The following DDR1 variants were observed in gnomAD, a reference collection of about 807,000 sequenced individuals.
DDR1 encodes the protein discoidin domain receptor tyrosine kinase 1.
In DDR1, 64 loss-of-function variants were observed where a neutral mutation model predicts 97.4. That is an observed-to-expected ratio of 0.66 (90% CI 0.54 to 0.81). DDR1 has a LOEUF of 0.81. Ranked by LOEUF, DDR1 falls within the 30% of genes least tolerant of loss-of-function variation. The pLI is 0.00. For synonymous variants in DDR1, 458 were observed against 503.7 expected (o/e 0.91, Z 1.21); for missense variants, 990 against 1,259.6 (o/e 0.79, Z 3.24).
rs372584534 is a variant in DDR1 at position 30,891,527 on chromosome 6, C to CTCTG, written c.665+49_665+50insCTGT. 5.6e-3 allele frequency: 4,469 copies of CTCTG among 797,868 alleles called. 200 individuals are homozygous for CTCTG. The highest frequency in any genetic ancestry group is 0.044 in the South Asian group (2,850 of 64,056). The allele number at this position is 797,868 out of a possible 1,614,324, so 49.4% of individuals were successfully genotyped here. A position where few individuals can be genotyped will look rare whatever the true frequency, so the allele number is the denominator to read the frequency against. On this transcript the variant is annotated intron_variant, in intron 6 of 17. Transcript: ENST00000376568. This position sits in a 1 kb window ranked among gnomAD's most constrained non-coding sequence, Gnocchi z 5.3. ...ATGGAGTTTGGGGTGGGAGGGAGGA[C>CTCTG]TGTGTGTGTGTGTGTGTGTGTGTGT... is the stretch of plus-strand genomic sequence containing the variant.
In DDR1 at chr6:30,886,084, C is replaced by T. The variant is rs755567308; in HGVS notation, c.-43+1374C>T. Among the ~76,000 whole-genome samples the T allele has an allele frequency of 1.3e-5, 2 of 152,102 alleles. No homozygotes were observed. Among genetic ancestry groups the T allele is most frequent in the Non-Finnish European group, 2.9e-5 (2 of 68,008 alleles). ...GGTGTTGGAGAACAGACAGCCCAGA[C>T]GTCTCTGTGCTTCTCCGTGTTCCTC... On this transcript the variant is annotated intron_variant, in intron 1 of 17. Transcript: ENST00000376568. The surrounding 1 kb of genome is among the most constrained non-coding windows in gnomAD (Gnocchi z 4.6).
At position 30,891,564 on chromosome 6, in the gene DDR1, T is replaced by TGTGA; in HGVS notation, c.665+88_665+89insAGTG. Reference sequence around the variant, plus strand: ...GTGTGTGTGTGTGTGTGTGAGAGTGTGTGTGTGTAGGGGGGCTGGTAAGTA... The same window carrying TGTGA: ...GTGTGTGTGTGTGTGTGTGAGAGTGTGTGAGTGTGTGTAGGGGGGCTGGTAAGTA... On this transcript the variant is annotated intron_variant, in intron 6 of 17. Transcript: ENST00000376568. The surrounding 1 kb of genome is among the most constrained non-coding windows in gnomAD (Gnocchi z 5.3). 1 of 928,496 alleles carries TGTGA rather than the reference T, an allele frequency of 1.1e-6. No homozygotes were observed. The highest frequency in any genetic ancestry group is 1.7e-6 in the Non-Finnish European group (1 of 604,728). The allele number at this position is 928,496 out of a possible 1,614,324, so 57.5% of individuals were successfully genotyped here. A position where few individuals can be genotyped will look rare whatever the true frequency, so the allele number is the denominator to read the frequency against.
Position 30,897,044 on chromosome 6 carries a change from G to C in DDR1, c.1900G>C (p.Asp634His). 6.2e-7 allele frequency: 1 copy of C among 1,613,726 alleles called. No individual in the cohort carries two copies. The highest frequency in any genetic ancestry group is 8.5e-7 in the Non-Finnish European group (1 of 1,179,784). ...VHLCEVDSPQ[D>H]LVSLDFPLNV... ...CCTGTGTGAGGTCGACAGCCCTCAA[G>C]ATCTGGTTAGTCTTGATTTCCCCCT... The change falls in exon 14 of 18, where the codon GAT (aspartate) becomes CAT (histidine). Residue 634 changes from aspartate (D) to histidine (H), a missense_variant. Physicochemically the swap from Asp to His is moderately conservative, Grantham distance 81 (BLOSUM62 -1). Coordinates refer to ENST00000376568, the MANE Select transcript of DDR1 (RefSeq NM_001297654.2). The surrounding 1 kb of genome is among the most constrained non-coding windows in gnomAD (Gnocchi z 5.2).
At chr6:30,893,184 G>C (rs779781682) in intron 9 of DDR1, 21 bp downstream of exon 9, 2 of 1,602,666 alleles carry the variant, frequency 1.2e-6, no homozygotes, top group Admixed American at 1.7e-5. Context: ...TTGGGTGGGC[G>C]TGTGGACCCT....
intron 10 of DDR1, among the ~76,000 whole-genome samples, chr6:30,893,819 G>C (rs2524248): frequency 6.6e-6 from 1 of 152,214 alleles, no homozygotes; most frequent in East Asian, 1.9e-4. Context: ...AGGCCTGTTG[G>C]TGCAGTGTAC....
At position 30,890,070 on chromosome 6, in the gene DDR1, G is replaced by A. The variant is rs1787476357; in HGVS notation, c.417+640G>A. On this transcript the variant is annotated intron_variant, in intron 4 of 17. Transcript: ENST00000376568. The surrounding 1 kb of genome is among the most constrained non-coding windows in gnomAD (Gnocchi z 5.0). Reference sequence around the variant, plus strand: ...CAGTAGATGCCAAACGCGTCTCCCTGCTTCTGCCCTTTTCTGCCTGGAGTC... The same window carrying A: ...CAGTAGATGCCAAACGCGTCTCCCTACTTCTGCCCTTTTCTGCCTGGAGTC... Among the ~76,000 whole-genome samples the A allele has an allele frequency of 6.6e-6, 1 of 152,158 alleles. No individual in the cohort carries two copies. Among genetic ancestry groups the A allele is most frequent in the Non-Finnish European group, 1.5e-5 (1 of 68,012 alleles).
At chr6:30,885,609 C>A in intron 1 of DDR1, 1 of 1,374,322 alleles carries the variant, frequency 7.3e-7, no homozygotes, top group Non-Finnish European at 9.5e-7. Context: ...TGGTGTCTGT[C>A]ATTTCATGTT....
At position 30,889,160 on chromosome 6, in the gene DDR1, G is replaced by T; in HGVS notation, c.189-42G>T. 1 of 1,606,344 alleles carries T rather than the reference G, an allele frequency of 6.2e-7. No homozygotes were observed. Among genetic ancestry groups the T allele is most frequent in the Non-Finnish European group, 8.5e-7 (1 of 1,174,262 alleles). On this transcript the variant is annotated intron_variant, in intron 3 of 17. Transcript: ENST00000376568. The surrounding 1 kb of genome is among the most constrained non-coding windows in gnomAD (Gnocchi z 4.9). ...GGTTTAAATACTGGAGATGGAGGCA[G>T]ACCTGGGGCCAGATGTTCTCTGTGC...
At position 30,891,250 on chromosome 6, in the gene DDR1, C is replaced by A; in HGVS notation, c.565+130C>A. 6.9e-7 allele frequency: 1 copy of A among 1,455,102 alleles called. No individual in the cohort carries two copies. The highest frequency in any genetic ancestry group is 9.4e-7 in the Non-Finnish European group (1 of 1,061,670). The allele number at this position is 1,455,102 out of a possible 1,614,324, so 90.1% of individuals were successfully genotyped here. ...TCACTCTGAGGAGGGGGCTAGCCAGCATTGTCTCCTCCATGCCAATGAGCC... is the reference window on the plus strand; with the variant it reads ...TCACTCTGAGGAGGGGGCTAGCCAGAATTGTCTCCTCCATGCCAATGAGCC... On this transcript the variant is annotated intron_variant, in intron 5 of 17. Transcript: ENST00000376568. This position sits in a 1 kb window ranked among gnomAD's most constrained non-coding sequence, Gnocchi z 5.3.
At chr6:30,883,535 T>C, upstream of DDR1, 1 of 153,838 alleles carries the variant, frequency 6.5e-6, no homozygotes, top group Non-Finnish European at 1.4e-5. This position sits in a 1 kb window ranked among gnomAD's most constrained non-coding sequence, Gnocchi z 4.9. Flanking sequence ...TCAGTGTGCC[T>C]CCATCCTTCT....
At position 30,884,985 on chromosome 6, in the gene DDR1, G is replaced by T. The variant is rs1012085513; in HGVS notation, c.-43+275G>T. 54 of 523,288 alleles carry T rather than the reference G, an allele frequency of 1.0e-4. 1 individual carries two copies. The highest frequency in any genetic ancestry group is 1.6e-4 in the Non-Finnish European group (45 of 289,238). The allele number at this position is 523,288 out of a possible 1,614,324, so 32.4% of individuals were successfully genotyped here. On this transcript the variant is annotated intron_variant, in intron 1 of 17. Transcript: ENST00000376568. The surrounding 1 kb of genome is among the most constrained non-coding windows in gnomAD (Gnocchi z 6.1). ...AGGCAAGTCCCCTCTCACTCAGTGC[G>T]GAGGAACTGAGCCCCGGGAGGAGGT...
rs770648603 is a variant in DDR1, at chr6:30,899,686, G to A, written c.*390G>A. On this transcript the variant is annotated 3_prime_UTR_variant, in exon 18 of 18. Coordinates refer to ENST00000376568, the MANE Select transcript of DDR1 (RefSeq NM_001297654.2). ...CACTGATTCCTGGAGAGGTGGCTGCGCCCCCAGCTTCTCTCTCCCTGTCAC... is the reference window on the plus strand; with the variant it reads ...CACTGATTCCTGGAGAGGTGGCTGCACCCCCAGCTTCTCTCTCCCTGTCAC... The A allele has an allele frequency of 2.8e-6, 1 of 354,546 alleles. No individual in the cohort carries two copies. The allele number at this position is 354,546 out of a possible 1,614,324, so 22.0% of individuals were successfully genotyped here. A position where few individuals can be genotyped will look rare whatever the true frequency, so the allele number is the denominator to read the frequency against.
At chr6:30,887,794 C>G (rs1396667518) in intron 1 of DDR1, among the ~76,000 whole-genome samples, 1 of 152,008 alleles carries the variant, frequency 6.6e-6, no homozygotes, top group African/African-American at 2.4e-5. Flanking sequence ...GAGATGGGGT[C>G]TCACTATGTT....
Position 30,888,810 on chromosome 6 carries a change from T to A in DDR1, c.81T>A (p.Asp27Glu). The change falls in exon 2 of 18, where the codon GAT (aspartate) becomes GAA (glutamate). Residue 27 changes from aspartate to glutamate, a missense_variant. Asp to Glu is a conservative substitution (Grantham distance 45). Coordinates refer to ENST00000376568, the MANE Select transcript of DDR1 (RefSeq NM_001297654.2). The surrounding 1 kb of genome is among the most constrained non-coding windows in gnomAD (Gnocchi z 4.2). ...ATGCTGACATGAAGGGACATTTTGATCCTGGTGAGGAGACTGAATCATGGG... is the reference window on the plus strand; with the variant it reads ...ATGCTGACATGAAGGGACATTTTGAACCTGGTGAGGAGACTGAATCATGGG... The part of the protein sequence containing the change: ...SGDADMKGHF[D>E]PAKCRYALGM... 1 of 1,612,998 alleles carries A rather than the reference T, an allele frequency of 6.2e-7. No homozygotes were observed. Among genetic ancestry groups the A allele is most frequent in the Non-Finnish European group, 8.5e-7 (1 of 1,180,018 alleles).
At chr6:30,885,456 G>A in intron 1 of DDR1, 1 of 860,570 alleles carries the variant, frequency 1.2e-6, no homozygotes, top group Non-Finnish European at 1.7e-6. Flanking sequence ...CCCACCCAGC[G>A]CCCACCTGTT....
Position 30,891,049 on chromosome 6 carries a change from G to GCTTCTACCCCCGGGCTGACC in DDR1, c.495_514dup (p.Arg172ProfsTer10). ...CCCCCCATGGTTGCCCGACTGGTTC[G>GCTTCTACCCCCGGGCTGACC]CTTCTACCCCCGGGCTGACCGGGTC... On this transcript the variant is annotated frameshift_variant, in exon 5 of 18. Coordinates refer to ENST00000376568, the MANE Select transcript of DDR1 (RefSeq NM_001297654.2). LOFTEE classifies it high-confidence loss of function. This position sits in a 1 kb window ranked among gnomAD's most constrained non-coding sequence, Gnocchi z 5.3. 6.2e-7 allele frequency: 1 copy of GCTTCTACCCCCGGGCTGACC among 1,613,054 alleles called. No individual in the cohort carries two copies. Among genetic ancestry groups the GCTTCTACCCCCGGGCTGACC allele is most frequent in the Non-Finnish European group, 8.5e-7 (1 of 1,180,016 alleles).
Position 30,893,357 on chromosome 6 carries a change from C to T in DDR1, c.1281C>T (p.Ile427=), listed in dbSNP as rs1226406549. 8.1e-6 allele frequency: 13 copies of T among 1,608,058 alleles called. No homozygotes were observed. The highest frequency in any genetic ancestry group is 1.0e-5 in the Non-Finnish European group (12 of 1,179,842). ...TCATCGGCTGCCTGGTGGCCATCATCCTGCTCCTGCTGCTCATCATTGCCC... is the reference window on the plus strand; with the variant it reads ...TCATCGGCTGCCTGGTGGCCATCATTCTGCTCCTGCTGCTCATCATTGCCC... ...AILIGCLVAI[I]LLLLLIIALM... The change falls in exon 10 of 18, where the codon ATC becomes ATT. Residue 427 remains isoleucine, a synonymous_variant. Transcript: ENST00000376568.
chr6:30,885,353 A>G, intron 1 of DDR1: 1 of 1,214,166 alleles, frequency 8.2e-7, no homozygotes, highest in Non-Finnish European at 1.2e-6. Flanking sequence ...GAGGGCCTGT[A>G]GGTGTGTCCA....
Position 30,891,921 on chromosome 6 carries a change from G to C in DDR1, c.666-81G>C. 1 of 1,504,168 alleles carries C rather than the reference G, an allele frequency of 6.6e-7. No individual in the cohort carries two copies. Among genetic ancestry groups the C allele is most frequent in the Non-Finnish European group, 9.2e-7 (1 of 1,090,452 alleles). 93.2% of individuals were successfully genotyped at this position (1,504,168 alleles called of 1,614,324 possible). On this transcript the variant is annotated intron_variant, in intron 6 of 17. Transcript: ENST00000376568. The surrounding 1 kb of genome is among the most constrained non-coding windows in gnomAD (Gnocchi z 5.3). Reference sequence around the variant, plus strand: ...GCCAGGCTGGCCATGCCACTGTGCCGGAGGGTGGCGGAGCAGAATGCCTGG... The same window carrying C: ...GCCAGGCTGGCCATGCCACTGTGCCCGAGGGTGGCGGAGCAGAATGCCTGG...
Sources: allele counts gnomAD v4.1 joint callset (sites outside exome capture counted in the v4.1 genomes callset), GRCh38; gene constraint gnomAD v4.1.1; non-coding constraint Gnocchi (gnomAD v3.1); transcripts MANE v1.5; gene names NCBI Gene and HGNC (gene_info 2026-07-23, HGNC 2026-07-21).